The following IPO13 variants were observed in gnomAD, a reference collection of about 807,000 sequenced individuals.
IPO13 encodes the protein importin 13.
IPO13 carries 28 observed loss-of-function variants against 115.5 expected under a neutral mutation model. The ratio of observed to expected loss-of-function variants is 0.24; its 90% CI spans 0.18 to 0.33. The LOEUF (loss-of-function observed/expected upper bound fraction) is 0.33, where lower values mean the gene tolerates loss of function less well. IPO13 is among the 10% of genes least tolerant of loss of function. IPO13 has a pLI of 1.00. For missense variants in IPO13, 785 were observed against 1,204.6 expected (o/e 0.65, Z 5.16); for synonymous variants, 414 against 478.9 (o/e 0.86, Z 1.77).
chr1:43,963,895 T>C (rs2085305516), intron 14 of IPO13, among the ~76,000 whole-genome samples: 2 of 152,180 alleles, frequency 1.3e-5, no homozygotes, highest in African/African-American at 4.8e-5. Flanking sequence ...GGGAGGTATG[T>C]GCTAGGAGCA....
intron 11 of IPO13, 89 bp from the exon 12 acceptor site, chr1:43,960,160 C>A: frequency 8.1e-7 from 1 of 1,233,082 alleles, no homozygotes; most frequent in Non-Finnish European, 1.2e-6. Context: ...TAGGTCTGAA[C>A]TGCTCCCCTC....
At position 43,966,941 on chromosome 1, in the gene IPO13, G is replaced by C; in HGVS notation, c.2535G>C (p.Leu845=). Residue 845 remains leucine (L), a synonymous_variant, in exon 18 of 20, where the codon CTG becomes CTC. Coordinates refer to ENST00000372343, the MANE Select transcript of IPO13 (RefSeq NM_014652.4). The surrounding 1 kb of genome is among the most constrained non-coding windows in gnomAD (Gnocchi z 4.1). ...TCCATCCTCTGCAGACAGAGCTGCT[G>C]CCTCGGTGTGGGGAAGTAGAGTCTG... The part of the protein sequence containing the change: ...KASCGFFTEL[L]PRCGEVESVG... 2 of 1,613,882 alleles carry C rather than the reference G, an allele frequency of 1.2e-6. No individual in the cohort carries two copies. The highest frequency in any genetic ancestry group is 1.7e-6 in the Non-Finnish European group (2 of 1,180,030).
chr1:43,966,316 A>G lies in IPO13; in HGVS notation c.2398-259A>G. ...GGTGTCTGGAACCCAAACTTTCTGC[A>G]TTATGATCCCCACCCCCAACCTCTC... On this transcript the variant is annotated intron_variant, in intron 15 of 19. Transcript: ENST00000372343. The surrounding 1 kb of genome is among the most constrained non-coding windows in gnomAD (Gnocchi z 4.1). 4 of 570,948 alleles carry G rather than the reference A, an allele frequency of 7.0e-6. No individual in the cohort carries two copies. In the Admixed American group the frequency reaches 9.1e-5, roughly 13 times the overall value. 35.4% of individuals were successfully genotyped at this position (570,948 alleles called of 1,614,324 possible).
chr1:43,956,383 G>A lies in IPO13; in HGVS notation c.885G>A (p.Gln295=). The A allele has an allele frequency of 6.2e-7, 1 of 1,614,200 alleles. No individual in the cohort carries two copies. Among genetic ancestry groups the A allele is most frequent in the Non-Finnish European group, 8.5e-7 (1 of 1,180,030 alleles). Reference sequence around the variant, plus strand: ...TGGGTCTGCAGGAACAACTGCGGCAGGCAGTGCAGAATGGGGACATGGAGA... The same window carrying A: ...TGGGTCTGCAGGAACAACTGCGGCAAGCAGTGCAGAATGGGGACATGGAGA... ...LVLGLQEQLR[Q]AVQNGDMETS... Residue 295 remains glutamine, a synonymous_variant, in exon 3 of 20, where the codon CAG becomes CAA. Transcript: ENST00000372343. This position sits in a 1 kb window ranked among gnomAD's most constrained non-coding sequence, Gnocchi z 4.7.
rs773703392 is a variant in IPO13, at chr1:43,967,024, G to GA, written c.2613+6dup. 21 of 1,613,540 alleles carry GA rather than the reference G, an allele frequency of 1.3e-5. No individual in the cohort carries two copies. Among genetic ancestry groups the GA allele is most frequent in the Non-Finnish European group, 1.7e-5 (20 of 1,179,798 alleles). The stretch of plus-strand genomic sequence containing the variant: ...CTGCTCATAGCAGTGCTGGAGGTGA[G>GA]ACGGAGCAAAGGGGGGTTTGATGGG... On this transcript the variant is annotated splice_donor_region_variant and intron_variant, in intron 18 of 19. Coordinates refer to ENST00000372343, the MANE Select transcript of IPO13 (RefSeq NM_014652.4). This position sits in a 1 kb window ranked among gnomAD's most constrained non-coding sequence, Gnocchi z 6.1.
At chr1:43,953,430 G>T (rs553798248) in intron 2 of IPO13, 2 of 152,260 alleles carry the variant, frequency 1.3e-5, no homozygotes, top group Non-Finnish European at 1.5e-5. Context: ...CTCACAGGTC[G>T]CAGACACAGG....
rs1223795993 is a variant in IPO13 at position 43,949,563 on chromosome 1, T to C, written c.231T>C (p.Phe77=). The C allele has an allele frequency of 1.2e-6, 2 of 1,614,216 alleles. No individual in the cohort carries two copies. The highest frequency in any genetic ancestry group is 1.1e-5 in the South Asian group (1 of 91,088). ...QPDKVPEIQY[F]GASALHIKIS... is the part of the protein sequence containing the mutation. ...ACAAGGTACCAGAGATCCAGTACTT[T>C]GGGGCCAGTGCTCTTCACATCAAGA... is the stretch of plus-strand genomic sequence containing the variant. The change falls in exon 2 of 20, where the codon TTT becomes TTC. Residue 77 remains phenylalanine (F), a synonymous_variant. Coordinates refer to ENST00000372343, the MANE Select transcript of IPO13 (RefSeq NM_014652.4).
chr1:43,957,935 T>C, intron 7 of IPO13, 42 bp from the exon 8 acceptor site: 1 of 1,601,254 alleles, frequency 6.2e-7, no homozygotes, highest in African/African-American at 1.3e-5. Context: ...AAAGCCAGCC[T>C]GGCCTGCCTC....
At chr1:43,961,394 G>C in intron 14 of IPO13, 132 bp downstream of exon 14, 1 of 767,206 alleles carries the variant, frequency 1.3e-6, no homozygotes, top group Non-Finnish European at 2.4e-6. Flanking sequence ...TGGGAAACCT[G>C]TGAGATCAAG....
At chr1:43,954,560 G>GC (rs2085231388) in intron 2 of IPO13, among the ~76,000 whole-genome samples, 1 of 152,178 alleles carries the variant, frequency 6.6e-6, no homozygotes, top group African/African-American at 2.4e-5. Context: ...GGGGTCCCAA[G>GC]CATCTGATCC....
At chr1:43,957,107 T>C in intron 5 of IPO13, 88 bp from the exon 6 acceptor site, 1 of 1,571,504 alleles carries the variant, frequency 6.4e-7, no homozygotes. Flanking sequence ...TGCAGAGTTG[T>C]GGGGGTACTG....
At chr1:43,960,132 A>G (rs2085279297) in intron 11 of IPO13, 117 bp from the exon 12 acceptor site, 1 of 873,218 alleles carries the variant, frequency 1.1e-6, no homozygotes, top group Admixed American at 1.8e-5. Flanking sequence ...TGGGTCCTCA[A>G]TGTGTGTTCT....
rs17402782 is a variant in IPO13 at position 43,952,763 on chromosome 1, G to A, written c.821+2610G>A. On this transcript the variant is annotated intron_variant, in intron 2 of 19. Transcript: ENST00000372343. This position sits in a 1 kb window ranked among gnomAD's most constrained non-coding sequence, Gnocchi z 4.7. ...ATTTTAAAAAATAAAAGATTGTTTC[G>A]GTATGAGGATTAAATAAGAGAATGT... Among the ~76,000 whole-genome samples, 3,546 of 152,198 alleles carry A rather than the reference G, an allele frequency of 0.023. 42 individuals carry two copies. Among genetic ancestry groups the A allele is most frequent in the Middle Eastern group, 0.041 (12 of 294 alleles).
At position 43,958,060 on chromosome 1, in the gene IPO13, G is replaced by A. The variant is rs2085263025; in HGVS notation, c.1624G>A (p.Glu542Lys). Residue 542 changes from glutamate to lysine, a missense_variant, in exon 8 of 20, where the codon GAG becomes AAG. Physicochemically the swap from Glu to Lys is moderately conservative, Grantham distance 56. Transcript: ENST00000372343. This position sits in a 1 kb window ranked among gnomAD's most constrained non-coding sequence, Gnocchi z 6.3. The stretch of plus-strand genomic sequence containing the variant: ...GGTACTGCATGCCCTAGGCAATCCT[G>A]AGCTGTCTGTCTCTTCTGTGTCCAC... The part of the protein sequence containing the change: ...PLVLHALGNP[E>K]LSVSSVSTLK... 3 of 1,614,022 alleles carry A rather than the reference G, an allele frequency of 1.9e-6. No individual in the cohort carries two copies. The highest frequency in any genetic ancestry group is 2.5e-6 in the Non-Finnish European group (3 of 1,180,040).
rs1443403178 is a variant in IPO13, at chr1:43,966,826, C to G, written c.2523+44C>G. The stretch of plus-strand genomic sequence containing the variant: ...CCTGACCCACTGCCACCCCAGTGCC[C>G]TCCCCTGCCCAGGACTTCAGACAGT... On this transcript the variant is annotated intron_variant, in intron 17 of 19. Transcript: ENST00000372343. The surrounding 1 kb of genome is among the most constrained non-coding windows in gnomAD (Gnocchi z 4.1). 1 of 1,609,600 alleles carries G rather than the reference C, an allele frequency of 6.2e-7. No individual in the cohort carries two copies. Among genetic ancestry groups the G allele is most frequent in the Admixed American group, 1.7e-5 (1 of 59,918 alleles).
In IPO13 at chr1:43,966,410, C is replaced by T; in HGVS notation, c.2398-165C>T. On this transcript the variant is annotated intron_variant, in intron 15 of 19. Transcript: ENST00000372343. The surrounding 1 kb of genome is among the most constrained non-coding windows in gnomAD (Gnocchi z 4.1). ...ATCCCTTGAGCTGTCCTCACCTGAC[C>T]TACTGAACTCTGAGGTGGTCCGGGT... 1.5e-6 allele frequency: 1 copy of T among 681,936 alleles called. No individual in the cohort carries two copies. The highest frequency in any genetic ancestry group is 2.6e-6 in the Non-Finnish European group (1 of 377,772). 42.2% of individuals were successfully genotyped at this position (681,936 alleles called of 1,614,324 possible).
Position 43,967,805 on chromosome 1 carries a change from G to T in IPO13, c.*123G>T, listed in dbSNP as rs2085337351. ...TCACCACCACCTAACTGAAAGCCTGGGTCCAGAAGGCCTGGGGGAAGGATG... is the reference window on the plus strand; with the variant it reads ...TCACCACCACCTAACTGAAAGCCTGTGTCCAGAAGGCCTGGGGGAAGGATG... On this transcript the variant is annotated 3_prime_UTR_variant, in exon 20 of 20. Coordinates refer to ENST00000372343, the MANE Select transcript of IPO13 (RefSeq NM_014652.4). This position sits in a 1 kb window ranked among gnomAD's most constrained non-coding sequence, Gnocchi z 6.1. 3.3e-6 allele frequency: 3 copies of T among 915,856 alleles called. No individual in the cohort carries two copies. The highest frequency in any genetic ancestry group is 3.4e-6 in the Non-Finnish European group (2 of 580,954). The allele number at this position is 915,856 out of a possible 1,614,324, so 56.7% of individuals were successfully genotyped here.
At position 43,949,445 on chromosome 1, in the gene IPO13, A is replaced by G; in HGVS notation, c.113A>G (p.Asn38Ser). Residue 38 changes from asparagine (N) to serine (S), a missense_variant, in exon 2 of 20, where the codon AAC becomes AGC. Physicochemically the swap from Asn to Ser is conservative, Grantham distance 46 (BLOSUM62 1). Transcript: ENST00000372343. ...CTGCACCAGCTCTACTATGATCCCA[A>G]CATTGAGAATAAGAACCTGGCTCAG... ...KALHQLYYDP[N>S]IENKNLAQKW... The G allele has an allele frequency of 6.2e-7, 1 of 1,611,990 alleles. No homozygotes were observed. Among genetic ancestry groups the G allele is most frequent in the Non-Finnish European group, 8.5e-7 (1 of 1,178,636 alleles).
rs1042925575 is a variant in IPO13 at position 43,967,255 on chromosome 1, T to C, written c.2614-60T>C. ...CTGTCCAGAGGGCAGTTAGGCATTC[T>C]TGCTGCAGAAGCGGCGGAAGGGGCA... On this transcript the variant is annotated intron_variant, in intron 18 of 19. Transcript: ENST00000372343. This position sits in a 1 kb window ranked among gnomAD's most constrained non-coding sequence, Gnocchi z 6.1. 6.4e-7 allele frequency: 1 copy of C among 1,561,182 alleles called. No homozygotes were observed. Among genetic ancestry groups the C allele is most frequent in the Non-Finnish European group, 8.8e-7 (1 of 1,140,860 alleles).
Sources: allele counts gnomAD v4.1 joint callset (sites outside exome capture counted in the v4.1 genomes callset), GRCh38; gene constraint gnomAD v4.1.1; non-coding constraint Gnocchi (gnomAD v3.1); transcripts MANE v1.5; gene names NCBI Gene and HGNC (gene_info 2026-07-23, HGNC 2026-07-21).